Variants in SPTLC3 observed in about 807,000 individuals in gnomAD.
SPTLC3 encodes serine palmitoyltransferase 3.
A neutral mutation model predicts 59.3 loss-of-function variants in SPTLC3; 36 were observed. The observed-to-expected ratio is 0.61, with a 90% CI of 0.47 to 0.80. The LOEUF (loss-of-function observed/expected upper bound fraction) is 0.80, where lower values mean the gene tolerates loss of function less well. Ranked by LOEUF, SPTLC3 falls within the 30% of genes least tolerant of loss-of-function variation. The pLI, the probability that SPTLC3 is intolerant of heterozygous loss-of-function variation, is 0.00. For missense variants in SPTLC3, 625 were observed against 685.1 expected (o/e 0.91, Z 0.98); for synonymous variants, 257 against 240.8 (o/e 1.07, Z -0.62).
intron 9 of SPTLC3, among the ~76,000 whole-genome samples, chr20:13,127,269 T>C (rs2038016279): frequency 6.6e-6 from 1 of 152,190 alleles, no homozygotes. Context: ...TTTGAAAAAT[T>C]GTTTCATAAA....
At chr20:13,038,035 G>T (rs1600222187) in intron 1 of SPTLC3, among the ~76,000 whole-genome samples, 1 of 127,454 alleles carries the variant, frequency 7.8e-6, no homozygotes, top group Admixed American at 7.4e-5. Flanking sequence ...AAAATACAGA[G>T]AAAATCATGA....
At chr20:13,112,957 T>G (rs1239412734) in intron 7 of SPTLC3, among the ~76,000 whole-genome samples, 2 of 152,060 alleles carry the variant, frequency 1.3e-5, no homozygotes, top group African/African-American at 4.8e-5. Flanking sequence ...CCAAGGCAGG[T>G]GGATTACTTG....
chr20:13,118,658 T>C (rs1015139283), intron 8 of SPTLC3, among the ~76,000 whole-genome samples: 14 of 152,180 alleles, frequency 9.2e-5, no homozygotes, highest in South Asian at 2.1e-4. Flanking sequence ...GACAGTGATG[T>C]TGGCTCAGCC....
intron 4 of SPTLC3, among the ~76,000 whole-genome samples, chr20:13,082,118 T>TG (rs1988859838): frequency 6.6e-6 from 1 of 152,228 alleles, no homozygotes; most frequent in Non-Finnish European, 1.5e-5. Context: ...TAATTTTACA[T>TG]AAGTATAATA....
intron 1 of SPTLC3, among the ~76,000 whole-genome samples, chr20:13,016,668 T>C (rs1985541902): frequency 6.6e-6 from 1 of 152,184 alleles, no homozygotes; most frequent in Non-Finnish European, 1.5e-5. Context: ...TAATACCAGT[T>C]GTCTAAGGTA....
intron 8 of SPTLC3, among the ~76,000 whole-genome samples, chr20:13,125,466 C>T (rs1489790284): frequency 1.3e-5 from 2 of 152,178 alleles, no homozygotes; most frequent in South Asian, 2.1e-4. Flanking sequence ...TGCCTCCATT[C>T]GTTTTTGCTG....
At chr20:13,119,085 A>C (rs1990755871) in intron 8 of SPTLC3, among the ~76,000 whole-genome samples, 1 of 152,322 alleles carries the variant, frequency 6.6e-6, no homozygotes, top group East Asian at 1.9e-4. Context: ...TTCCCTTCCT[A>C]GACTGTCGAA....
chr20:13,035,088 A>G (rs926845211), intron 1 of SPTLC3, among the ~76,000 whole-genome samples: 1 of 151,916 alleles, frequency 6.6e-6, no homozygotes, highest in African/African-American at 2.4e-5. Flanking sequence ...TGTTAGCTTC[A>G]TGTTCCTCCC....
chr20:13,151,419 A>C (rs2038644992), intron 9 of SPTLC3, among the ~76,000 whole-genome samples: 1 of 152,208 alleles, frequency 6.6e-6, no homozygotes, highest in Non-Finnish European at 1.5e-5. Context: ...GTCTGTGGTC[A>C]GGATAGAGGG....
chr20:13,012,740 C>A (rs1985321292), intron 1 of SPTLC3, among the ~76,000 whole-genome samples: 1 of 152,206 alleles, frequency 6.6e-6, no homozygotes, highest in Non-Finnish European at 1.5e-5. Context: ...CACTAAGGAA[C>A]TTCTGAAGAA....
chr20:13,067,537 T>C (rs944242710), intron 2 of SPTLC3, among the ~76,000 whole-genome samples: 1 of 152,170 alleles, frequency 6.6e-6, no homozygotes, highest in Non-Finnish European at 1.5e-5. Context: ...TTCGAGGCAT[T>C]TACAACTTTA....
chr20:13,035,079 G>T (rs1986674968), intron 1 of SPTLC3, among the ~76,000 whole-genome samples: 1 of 152,026 alleles, frequency 6.6e-6, no homozygotes, highest in African/African-American at 2.4e-5. Flanking sequence ...TCCAGCCAGT[G>T]TTAGCTTCAT....
intron 1 of SPTLC3, among the ~76,000 whole-genome samples, chr20:13,036,322 AC>A (rs1986733833): frequency 6.6e-6 from 1 of 151,556 alleles, no homozygotes; most frequent in Non-Finnish European, 1.5e-5. Context: ...CATCTCTGCC[AC>A]CCCTGAGATA....
intron 2 of SPTLC3, among the ~76,000 whole-genome samples, chr20:13,062,907 A>G (rs1224493029): frequency 1.3e-5 from 2 of 152,186 alleles, no homozygotes; most frequent in East Asian, 1.9e-4. Flanking sequence ...TAACTTGTCC[A>G]TGATCAGTAT....
chr20:13,040,427 C>T (rs1424929591), intron 1 of SPTLC3, among the ~76,000 whole-genome samples: 2 of 151,580 alleles, frequency 1.3e-5, no homozygotes, highest in Admixed American at 1.3e-4. Context: ...GGCGCAATCT[C>T]GGCTCACTGC....
chr20:13,050,965 A>C (rs570863475), intron 2 of SPTLC3: 23 of 152,354 alleles, frequency 1.5e-4, no homozygotes, highest in African/African-American at 5.5e-4. Context: ...AGCTTCTTTA[A>C]AGCATAAATC....
intron 6 of SPTLC3, among the ~76,000 whole-genome samples, chr20:13,099,985 C>T (rs1033339997): frequency 6.6e-6 from 1 of 152,214 alleles, no homozygotes; most frequent in Non-Finnish European, 1.5e-5. Context: ...CAACTCTAAA[C>T]TTGTTCTGCT....
At chr20:13,163,260 C>T (rs1345875610) in intron 11 of SPTLC3, among the ~76,000 whole-genome samples, 1 of 149,856 alleles carries the variant, frequency 6.7e-6, no homozygotes, top group African/African-American at 2.5e-5. Flanking sequence ...CCCAGCTACT[C>T]GAACTGCTGA....
At chr20:13,050,433 T>C (rs1987435321) in intron 2 of SPTLC3, 1 of 152,108 alleles carries the variant, frequency 6.6e-6, no homozygotes, top group African/African-American at 2.4e-5. Flanking sequence ...AAGTCTGGGA[T>C]TATGTTAAAC....
Sources: allele counts gnomAD v4.1 joint callset (sites outside exome capture counted in the v4.1 genomes callset), GRCh38; gene constraint gnomAD v4.1.1; transcripts MANE v1.5; gene names NCBI Gene and HGNC (gene_info 2026-07-23, HGNC 2026-07-21).